Variants in DEPDC5 observed in about 807,000 individuals in gnomAD.
DEPDC5 encodes DEP domain containing 5, GATOR1 subcomplex subunit.
Under a neutral mutation model 217.3 loss-of-function variants are expected in DEPDC5, and 73 were observed. The observed-to-expected ratio is 0.34, with a 90% CI of 0.28 to 0.41. The LOEUF (loss-of-function observed/expected upper bound fraction) is 0.41. Ranked by LOEUF, DEPDC5 falls within the 10% of genes least tolerant of loss-of-function variation. DEPDC5 has a pLI of 1.00. For missense variants in DEPDC5, 1,675 were observed against 2,070.1 expected (o/e 0.81, Z 3.70); for synonymous variants, 733 against 756.7 (o/e 0.97, Z 0.51).
chr22:31,806,274 G>C, intron 18 of DEPDC5, 83 bp downstream of exon 18: 1 of 1,217,808 alleles, frequency 8.2e-7, no homozygotes, highest in Non-Finnish European at 1.2e-6. Context: ...CAGTCCTCCT[G>C]TTTCAGCCTC....
At chr22:31,769,220 A>G (rs1031297070) in intron 7 of DEPDC5, 3 of 157,184 alleles carry the variant, frequency 1.9e-5, no homozygotes, top group Admixed American at 1.3e-4. Flanking sequence ...AGATCACGCC[A>G]CTGCCCTCCA....
chr22:31,834,468 T>C (rs1237863057), intron 25 of DEPDC5, among the ~76,000 whole-genome samples: 1 of 152,134 alleles, frequency 6.6e-6, no homozygotes, highest in Non-Finnish European at 1.5e-5. Context: ...TTGATAAACT[T>C]TACTTAGCTG....
At chr22:31,809,930 C>T (rs1005891840) in intron 19 of DEPDC5, among the ~76,000 whole-genome samples, 8 of 151,984 alleles carry the variant, frequency 5.3e-5, no homozygotes, top group East Asian at 1.9e-4. Flanking sequence ...TGCAGTGAGC[C>T]GAGATCATGC....
intron 33 of DEPDC5, among the ~76,000 whole-genome samples, chr22:31,864,501 A>AAAAT (rs574324972): frequency 1.6e-5 from 2 of 123,162 alleles, no homozygotes; most frequent in African/African-American, 3.1e-5. Context: ...TCTTCATTAA[A>AAAAT]ATATATATAT....
At chr22:31,818,096 A>G (rs2089332820) in intron 21 of DEPDC5, among the ~76,000 whole-genome samples, 1 of 152,066 alleles carries the variant, frequency 6.6e-6, no homozygotes, top group Non-Finnish European at 1.5e-5. Flanking sequence ...TGAACATGGA[A>G]TACACACAAG....
In DEPDC5 at chr22:31,861,359, T is replaced by C. The variant is rs768689366; in HGVS notation, c.3265-9T>C. 4.5e-6 allele frequency: 7 copies of C among 1,551,528 alleles called. No homozygotes were observed. In the Middle Eastern group the frequency reaches 5.0e-4, roughly 111 times the overall value. ...CTGCTGCTGCTGCTTCCTCCTCCTG[T>C]GACTTCAGGACGGGGCCTTCTTTAT... On this transcript the variant is annotated splice_polypyrimidine_tract_variant and intron_variant, in intron 32 of 42. Transcript: ENST00000651528.
upstream of DEPDC5, chr22:31,754,000 A>G (rs1434500550): frequency 6.6e-6 from 1 of 152,212 alleles, no homozygotes; most frequent in Non-Finnish European, 1.5e-5. Context: ...TTCTCAGGTG[A>G]GCGCTACACG....
chr22:31,831,368 A>T (rs2090582032), intron 24 of DEPDC5: 2 of 152,222 alleles, frequency 1.3e-5, no homozygotes, highest in African/African-American at 4.8e-5. Context: ...AGTATAACGA[A>T]TATTAGTTTT....
chr22:31,813,700 T>TAC (rs2088714998), intron 20 of DEPDC5, among the ~76,000 whole-genome samples: 1 of 149,556 alleles, frequency 6.7e-6, no homozygotes, highest in Non-Finnish European at 1.5e-5. Flanking sequence ...TATATATATA[T>TAC]GCATATATAA....
intron 31 of DEPDC5, among the ~76,000 whole-genome samples, chr22:31,851,735 G>C (rs1240279114): frequency 6.6e-6 from 1 of 152,198 alleles, no homozygotes; most frequent in East Asian, 1.9e-4. Flanking sequence ...GGTCTGTCAT[G>C]CCCGCAGGAA....
At chr22:31,830,778 A>T (rs2090542002) in intron 24 of DEPDC5, among the ~76,000 whole-genome samples, 1 of 148,656 alleles carries the variant, frequency 6.7e-6, no homozygotes, top group Admixed American at 6.7e-5. Context: ...CTTTTTTTGA[A>T]CTCTTTATTA....
intron 29 of DEPDC5, among the ~76,000 whole-genome samples, chr22:31,844,264 A>G (rs909757257): frequency 4.6e-5 from 7 of 152,056 alleles, no homozygotes; most frequent in African/African-American, 7.3e-5. Flanking sequence ...TTAACTGGGC[A>G]TGGTGACATA....
At chr22:31,888,547 C>T (rs191943985) in intron 38 of DEPDC5, among the ~76,000 whole-genome samples, 16 of 150,436 alleles carry the variant, frequency 1.1e-4, no homozygotes, top group Admixed American at 2.0e-4. Context: ...CCACCACACC[C>T]GGCTCTTTGT....
chr22:31,817,478 A>G (rs1466271779), intron 21 of DEPDC5: 2 of 472,722 alleles, frequency 4.2e-6, no homozygotes, highest in Admixed American at 4.5e-5. Flanking sequence ...GAGCAGTTTC[A>G]TGGGTGGTTT....
intron 41 of DEPDC5, among the ~76,000 whole-genome samples, chr22:31,902,435 T>TATATATATATATATATAC (rs915603933): frequency 8.0e-6 from 1 of 125,540 alleles, no homozygotes; most frequent in Non-Finnish European, 1.7e-5. Flanking sequence ...TATATATATA[T>TATATATATATATATATAC]ACTTATATAT....
At chr22:31,826,661 G>C (rs544261275) in intron 24 of DEPDC5, among the ~76,000 whole-genome samples, 3 of 152,076 alleles carry the variant, frequency 2.0e-5, no homozygotes, top group Non-Finnish European at 4.4e-5. Flanking sequence ...GCACAGCTCC[G>C]TATGCATAAC....
chr22:31,799,514 G>A (rs146067501), intron 14 of DEPDC5, among the ~76,000 whole-genome samples: 44 of 142,298 alleles, frequency 3.1e-4, no homozygotes, highest in African/African-American at 9.2e-4. Flanking sequence ...ATGGAGTGTC[G>A]CTTTGTCATC....
chr22:31,776,997 C>G (rs1233321335), intron 7 of DEPDC5, among the ~76,000 whole-genome samples: 4 of 149,730 alleles, frequency 2.7e-5, no homozygotes, highest in African/African-American at 9.9e-5. Context: ...GAGTCTCGCT[C>G]TGTTGCCCAG....
chr22:31,808,552 A>G lies in DEPDC5; in HGVS notation c.1288-1059A>G, dbSNP rs556729660. Reference sequence around the variant, plus strand: ...TGGGTTCACGTGATTCTCCTGCCTCAGCCTCCAGAGAAGCTGGGATTACAG... The same window carrying G: ...TGGGTTCACGTGATTCTCCTGCCTCGGCCTCCAGAGAAGCTGGGATTACAG... On this transcript the variant is annotated intron_variant, in intron 18 of 42. Coordinates refer to ENST00000651528, the MANE Select transcript of DEPDC5 (RefSeq NM_001242896.3). Among the ~76,000 whole-genome samples the G allele has an allele frequency of 3.8e-3, 572 of 152,290 alleles. 3 individuals are homozygous for G. The highest frequency in any genetic ancestry group is 0.013 in the African/African-American group (535 of 41,542).
Sources: gnomAD v4.1 joint callset for allele counts (sites outside exome capture counted in the v4.1 genomes callset) on GRCh38, gnomAD v4.1.1 for gene constraint, MANE v1.5 for transcripts, NCBI Gene and HGNC (gene_info 2026-07-23, HGNC 2026-07-21) for gene names.